The following HECW1 variants were observed in gnomAD, a reference collection of about 807,000 sequenced individuals.
HECW1 encodes the protein HECT, C2 and WW domain containing E3 ubiquitin protein ligase 1, also known as E3 ubiquitin-protein ligase HECW1.
Under a neutral mutation model 182.3 loss-of-function variants are expected in HECW1, and 61 were observed. The ratio of observed to expected loss-of-function variants is 0.33; its 90% CI spans 0.27 to 0.41. The LOEUF (loss-of-function observed/expected upper bound fraction) is 0.41. Ranked by LOEUF, HECW1 falls within the 10% of genes least tolerant of loss-of-function variation. HECW1 has a pLI of 1.00. For synonymous variants in HECW1, 859 were observed against 832.6 expected (o/e 1.03, Z -0.55); for missense variants, 1,739 against 2,108.9 (o/e 0.82, Z 3.44).
At chr7:43,508,859 T>G (rs1284880903) in intron 23 of HECW1, 110 bp from the exon 24 acceptor site, 7 of 1,145,620 alleles carry the variant, frequency 6.1e-6, no homozygotes, top group African/African-American at 1.5e-5. Flanking sequence ...GGCTGCTCTC[T>G]GCTTTCCCCA....
At chr7:43,141,040 C>T (rs1421053199) in intron 2 of HECW1, among the ~76,000 whole-genome samples, 3 of 152,110 alleles carry the variant, frequency 2.0e-5, no homozygotes, top group African/African-American at 4.8e-5. Context: ...TACAGCCATG[C>T]GGTGGGTTAG....
chr7:43,137,299 G>A (rs1224006433), intron 2 of HECW1, among the ~76,000 whole-genome samples: 1 of 152,140 alleles, frequency 6.6e-6, no homozygotes, highest in Non-Finnish European at 1.5e-5. Flanking sequence ...CTTAGCTGAG[G>A]AGCTGCTGTC....
intron 7 of HECW1, among the ~76,000 whole-genome samples, chr7:43,401,059 C>G (rs1209871178): frequency 6.6e-6 from 1 of 152,202 alleles, no homozygotes; most frequent in South Asian, 2.1e-4. Context: ...ATAAATCTCT[C>G]TACTGCAAGA....
intron 8 of HECW1, among the ~76,000 whole-genome samples, chr7:43,414,847 A>T (rs2075934063): frequency 6.6e-6 from 1 of 151,934 alleles, no homozygotes; most frequent in African/African-American, 2.4e-5. Flanking sequence ...CTGCTGCTGG[A>T]TTCGGTTTAC....
intron 2 of HECW1, chr7:43,118,385 C>T (rs917387328): frequency 3.3e-5 from 5 of 152,592 alleles, no homozygotes; most frequent in South Asian, 2.1e-4. Flanking sequence ...ACATAAATCT[C>T]AGCCCTACAC....
intron 2 of HECW1, among the ~76,000 whole-genome samples, chr7:43,211,204 C>T (rs916253087): frequency 2.0e-5 from 3 of 152,126 alleles, no homozygotes; most frequent in African/African-American, 7.2e-5. Flanking sequence ...GATTCTTAGT[C>T]GGTTTAGGAA....
chr7:43,117,291 C>T (rs983771756), intron 2 of HECW1, among the ~76,000 whole-genome samples: 1 of 152,130 alleles, frequency 6.6e-6, no homozygotes, highest in Non-Finnish European at 1.5e-5. Context: ...CCCTGCAATT[C>T]ATCCAACAAA....
rs936781053 is a variant in HECW1, at chr7:43,207,033, A to G, written c.-31-36842A>G. 5.3e-5 allele frequency among the ~76,000 whole-genome samples: 8 copies of G among 152,170 alleles called. No individual in the cohort carries two copies. The East Asian group carries it at 1.5e-3, about 29-fold the overall frequency. On this transcript the variant is annotated intron_variant, in intron 2 of 29. Transcript: ENST00000395891. Reference sequence around the variant, plus strand: ...AAGAAGGTGCTTTTGCCTAATTGCCATTACCTTTTAAATTTTTATTTTTTT... The same window carrying G: ...AAGAAGGTGCTTTTGCCTAATTGCCGTTACCTTTTAAATTTTTATTTTTTT...
intron 16 of HECW1, among the ~76,000 whole-genome samples, chr7:43,473,586 T>G (rs2078105185): frequency 1.3e-5 from 2 of 151,940 alleles, no homozygotes; most frequent in African/African-American, 4.8e-5. Context: ...ATGGAATAGT[T>G]GTATAATAAC....
chr7:43,341,343 AATAAATAG>A (rs905374554), intron 5 of HECW1, among the ~76,000 whole-genome samples: 3 of 129,422 alleles, frequency 2.3e-5, no homozygotes, highest in African/African-American at 1.1e-4. Context: ...TAAATAAATA[AATAAATAG>A]TTACAGTGTC....
At position 43,564,053 on chromosome 7, in the gene HECW1, T is replaced by A. The variant is rs2152967944; in HGVS notation, c.*2127T>A. 1 of 186,384 alleles carries A rather than the reference T, an allele frequency of 5.4e-6. No individual in the cohort carries two copies. The highest frequency in any genetic ancestry group is 2.1e-3 in the Middle Eastern group (1 of 484). 11.5% of individuals were successfully genotyped at this position (186,384 alleles called of 1,614,324 possible). A position where few individuals can be genotyped will look rare whatever the true frequency, so the allele number is the denominator to read the frequency against. On this transcript the variant is annotated 3_prime_UTR_variant, in exon 30 of 30. Coordinates refer to ENST00000395891, the MANE Select transcript of HECW1 (RefSeq NM_015052.5). ...ATCTGTAAGTTATATGATATAGAATTTGAGGGATATGTAAAATTCAGTACA... is the reference window on the plus strand; with the variant it reads ...ATCTGTAAGTTATATGATATAGAATATGAGGGATATGTAAAATTCAGTACA...
intron 6 of HECW1, among the ~76,000 whole-genome samples, chr7:43,391,767 C>A (rs774970660): frequency 4.3e-4 from 65 of 152,342 alleles, no homozygotes; most frequent in Non-Finnish European, 7.5e-4. Context: ...GAGGGAAATG[C>A]ACTCAGCAGT....
intron 6 of HECW1, among the ~76,000 whole-genome samples, chr7:43,370,281 A>G (rs1817169226): frequency 6.6e-6 from 1 of 152,224 alleles, no homozygotes. Flanking sequence ...TCATTAGAGA[A>G]CTGCAAATTA....
At chr7:43,223,100 G>A (rs529367075) in intron 2 of HECW1, among the ~76,000 whole-genome samples, 46 of 152,228 alleles carry the variant, frequency 3.0e-4, no homozygotes, top group Admixed American at 2.9e-3. Context: ...AGTTCACTCA[G>A]GTTAAAAAAT....
intron 8 of HECW1, among the ~76,000 whole-genome samples, chr7:43,433,074 T>C (rs2076602808): frequency 6.6e-6 from 1 of 152,232 alleles, no homozygotes; most frequent in Admixed American, 6.5e-5. Flanking sequence ...TGAGGCAATG[T>C]CTGGAGACAT....
At chr7:43,390,526 C>T (rs1383352104) in intron 6 of HECW1, among the ~76,000 whole-genome samples, 2 of 130,620 alleles carry the variant, frequency 1.5e-5, no homozygotes, top group East Asian at 2.3e-4. Context: ...GGTGGCACAG[C>T]AAGCAACTCT....
At chr7:43,557,402 C>T (rs554833492) in intron 29 of HECW1, among the ~76,000 whole-genome samples, 1 of 152,340 alleles carries the variant, frequency 6.6e-6, no homozygotes, top group East Asian at 1.9e-4. Flanking sequence ...CTACATAAAA[C>T]CTTTGTGTCA....
intron 16 of HECW1, among the ~76,000 whole-genome samples, chr7:43,469,869 G>A (rs946216593): frequency 1.3e-5 from 2 of 152,162 alleles, no homozygotes; most frequent in Non-Finnish European, 2.9e-5. Context: ...TGTCTGTGAC[G>A]TGTCCTTTCC....
intron 2 of HECW1, among the ~76,000 whole-genome samples, chr7:43,172,548 T>C (rs1791800716): frequency 6.6e-6 from 1 of 152,076 alleles, no homozygotes; most frequent in Non-Finnish European, 1.5e-5. Context: ...ACTATATGCA[T>C]TAAATGTAAT....
Sources: allele counts gnomAD v4.1 joint callset (sites outside exome capture counted in the v4.1 genomes callset), GRCh38; gene constraint gnomAD v4.1.1; transcripts MANE v1.5; gene names NCBI Gene and HGNC (gene_info 2026-07-23, HGNC 2026-07-21).